SCAPER: variants seen among roughly 807,000 people sequenced by gnomAD.
SCAPER encodes the protein S phase cyclin A-associated protein in the endoplasmic reticulum.
In SCAPER, 98 loss-of-function variants were observed where a neutral mutation model predicts 182.2. The observed-to-expected ratio is 0.54, with a 90% CI of 0.46 to 0.64. The LOEUF (loss-of-function observed/expected upper bound fraction) is 0.64, where lower values mean the gene tolerates loss of function less well. Among genes scored for constraint, SCAPER ranks in the 30% least tolerant of loss-of-function variants. The probability of loss-of-function intolerance (pLI) is 0.00; values close to 1 mark genes in which losing one functional copy is unlikely to be tolerated. For missense variants in SCAPER, 1,432 were observed against 1,690.0 expected (o/e 0.85, Z 2.68); for synonymous variants, 605 against 564.6 (o/e 1.07, Z -1.01).
At chr15:76,734,958 T>C (rs1302504282) in intron 15 of SCAPER, among the ~76,000 whole-genome samples, 2 of 151,764 alleles carry the variant, frequency 1.3e-5, no homozygotes, top group African/African-American at 4.8e-5. Flanking sequence ...ATAATCAAAA[T>C]GAAAGAAAAA....
chr15:76,754,316 T>G (rs1269379282), intron 14 of SCAPER, among the ~76,000 whole-genome samples: 1 of 152,096 alleles, frequency 6.6e-6, no homozygotes, highest in Non-Finnish European at 1.5e-5. Flanking sequence ...ACTGTTACCA[T>G]GAGTATGTTT....
rs186191071 is a variant in SCAPER at position 76,545,108 on chromosome 15, T to C, written c.2838+29050A>G. On this transcript the variant is annotated intron_variant, in intron 23 of 31. Coordinates refer to ENST00000563290, the MANE Select transcript of SCAPER (RefSeq NM_020843.4). ...CCTAGAAACCTTCAATGGGGGCCAA[T>C]GAGATTTTTTTCCTCTTAAATTAAC... Among the ~76,000 whole-genome samples the C allele has an allele frequency of 1.0e-3, 157 of 152,234 alleles. 2 individuals are homozygous for C. Among genetic ancestry groups the C allele is most frequent in the African/African-American group, 3.7e-3 (154 of 41,550 alleles).
At chr15:76,696,934 A>C (rs2058683524) in intron 20 of SCAPER, among the ~76,000 whole-genome samples, 1 of 152,172 alleles carries the variant, frequency 6.6e-6, no homozygotes, top group Non-Finnish European at 1.5e-5. Context: ...ATTACAATAA[A>C]AACACAAAAC....
intron 24 of SCAPER, among the ~76,000 whole-genome samples, chr15:76,499,739 A>T (rs2040928355): frequency 6.6e-6 from 1 of 152,234 alleles, no homozygotes; most frequent in Non-Finnish European, 1.5e-5. Flanking sequence ...TGTTCTACAG[A>T]TCAACTTTAG....
intron 24 of SCAPER, among the ~76,000 whole-genome samples, chr15:76,500,974 C>T (rs1032663204): frequency 3.3e-5 from 5 of 151,204 alleles, no homozygotes; most frequent in South Asian, 2.1e-4. Context: ...ACCCAGGAGG[C>T]GCAAGTTACA....
At chr15:76,555,678 A>T (rs1399831354) in intron 23 of SCAPER, among the ~76,000 whole-genome samples, 1 of 152,230 alleles carries the variant, frequency 6.6e-6, no homozygotes, top group Non-Finnish European at 1.5e-5. Flanking sequence ...CAATTCAACA[A>T]GAAGACTTAA....
intron 2 of SCAPER, among the ~76,000 whole-genome samples, chr15:76,874,604 T>A (rs1031705819): frequency 4.6e-5 from 7 of 151,892 alleles, no homozygotes; most frequent in African/African-American, 1.7e-4. Flanking sequence ...AAAAGAAAGA[T>A]CACTACAGAT....
chr15:76,382,470 C>T (rs1295786194), intron 27 of SCAPER, among the ~76,000 whole-genome samples: 2 of 151,182 alleles, frequency 1.3e-5, no homozygotes, highest in Non-Finnish European at 2.9e-5. Flanking sequence ...TTAAGAGTCC[C>T]ATGCTCTACC....
intron 22 of SCAPER, among the ~76,000 whole-genome samples, chr15:76,604,309 A>G (rs1247674745): frequency 8.3e-6 from 1 of 120,410 alleles, no homozygotes; most frequent in East Asian, 2.2e-4. Flanking sequence ...TGTTTTTGTC[A>G]GGTTTGTCAA....
chr15:76,876,438 C>CAAAAAA (rs33959211), intron 2 of SCAPER, among the ~76,000 whole-genome samples: 2 of 122,754 alleles, frequency 1.6e-5, no homozygotes, highest in Non-Finnish European at 1.7e-5. Flanking sequence ...AAAACAAAAG[C>CAAAAAA]AAAAAAAAAA....
chr15:76,693,075 T>A (rs966975200), intron 20 of SCAPER, among the ~76,000 whole-genome samples: 11 of 152,168 alleles, frequency 7.2e-5, no homozygotes, highest in African/African-American at 2.7e-4. Context: ...TTTGCTACAT[T>A]TATTTTAAGG....
intron 2 of SCAPER, among the ~76,000 whole-genome samples, chr15:76,872,816 A>C (rs1378252540): frequency 6.6e-6 from 1 of 152,052 alleles, no homozygotes; most frequent in African/African-American, 2.4e-5. Context: ...AATCTTATGA[A>C]ATTTTAAAGA....
At chr15:76,534,354 G>A (rs536269929) in intron 23 of SCAPER, among the ~76,000 whole-genome samples, 1 of 152,136 alleles carries the variant, frequency 6.6e-6, no homozygotes, top group African/African-American at 2.4e-5. Context: ...GTCACCAAGG[G>A]AGCAGCTTTG....
chr15:76,416,919 A>G (rs2045687864), intron 26 of SCAPER, among the ~76,000 whole-genome samples: 1 of 151,952 alleles, frequency 6.6e-6, no homozygotes, highest in African/African-American at 2.4e-5. Flanking sequence ...AGTATATGAT[A>G]TGTTGGGTGT....
chr15:76,353,620 A>C (rs965243578), intron 30 of SCAPER, among the ~76,000 whole-genome samples: 1 of 152,236 alleles, frequency 6.6e-6, no homozygotes, highest in Admixed American at 6.5e-5. Context: ...AGTTAGAATA[A>C]AAGCAAGATA....
At chr15:76,531,342 G>C (rs2043646395) in intron 23 of SCAPER, among the ~76,000 whole-genome samples, 2 of 152,220 alleles carry the variant, frequency 1.3e-5, no homozygotes, top group South Asian at 4.1e-4. Context: ...ACGTATCTGA[G>C]ACTGAAACAT....
At chr15:76,835,552 A>G (rs899448132) in intron 5 of SCAPER, among the ~76,000 whole-genome samples, 2 of 152,210 alleles carry the variant, frequency 1.3e-5, no homozygotes, top group Non-Finnish European at 1.5e-5. Context: ...ACTGAAAATA[A>G]TAAGAGCCAT....
intron 29 of SCAPER, among the ~76,000 whole-genome samples, chr15:76,360,014 C>T (rs893405700): frequency 9.2e-5 from 14 of 152,148 alleles, no homozygotes; most frequent in African/African-American, 3.4e-4. Flanking sequence ...TAGGTCTGCA[C>T]ATTAAGTCCT....
intron 20 of SCAPER, among the ~76,000 whole-genome samples, chr15:76,699,374 C>G (rs1025372655): frequency 7.9e-5 from 12 of 152,210 alleles, no homozygotes; most frequent in Non-Finnish European, 1.6e-4. Context: ...GCTTTTGCCC[C>G]TCCACTATGA....
Sources: allele counts gnomAD v4.1 joint callset (sites outside exome capture counted in the v4.1 genomes callset), GRCh38; gene constraint gnomAD v4.1.1; transcripts MANE v1.5; gene names NCBI Gene and HGNC (gene_info 2026-07-23, HGNC 2026-07-21).